Variants in DSC3 observed in about 807,000 individuals in gnomAD.
DSC3 encodes the protein desmocollin 3, also known as desmocollin-3.
In DSC3, 97 loss-of-function variants were observed where a neutral mutation model predicts 89.5. The ratio of observed to expected loss-of-function variants is 1.08; its 90% CI spans 0.92 to 1.28. DSC3 has a LOEUF of 1.28. Ranked by LOEUF, DSC3 falls within the 50% of genes most tolerant of loss-of-function variation. DSC3 has a pLI of 0.00. For synonymous variants in DSC3, 436 were observed against 384.1 expected (o/e 1.14, Z -1.58); for missense variants, 1,199 against 1,085.3 (o/e 1.10, Z -1.47).
intron 6 of DSC3, among the ~76,000 whole-genome samples, chr18:31,023,416 A>G (rs529476878): frequency 1.3e-5 from 2 of 152,268 alleles, no homozygotes; most frequent in East Asian, 3.9e-4. Context: ...GTATTCCATA[A>G]CATCATGTTG....
intron 14 of DSC3, among the ~76,000 whole-genome samples, chr18:31,001,018 GTA>G (rs1192786333): frequency 6.8e-5 from 10 of 147,104 alleles, no homozygotes; most frequent in Admixed American, 4.1e-4. Context: ...TACTTTGTGT[GTA>G]TATATATATA....
At chr18:31,004,462 A>G in intron 12 of DSC3, 96 bp from the exon 13 acceptor site, 2 of 1,064,740 alleles carry the variant, frequency 1.9e-6, no homozygotes, top group Non-Finnish European at 2.8e-6. Context: ...GTCATTCTCA[A>G]GGAACTGCCT....
chr18:31,007,510 ATAAGAT>A (rs1984893943), intron 11 of DSC3, among the ~76,000 whole-genome samples: 1 of 152,196 alleles, frequency 6.6e-6, no homozygotes, highest in African/African-American at 2.4e-5. Context: ...TTTTTAAAAT[ATAAGAT>A]TCCTAGGCTC....
At chr18:31,026,036 G>T in intron 4 of DSC3, 121 bp from the exon 5 acceptor site, 3 of 1,019,440 alleles carry the variant, frequency 2.9e-6, no homozygotes, top group Non-Finnish European at 4.3e-6. Context: ...AGGTAGAAAA[G>T]AACAATAATA....
At chr18:31,019,588 T>C (rs1985352273) in intron 7 of DSC3, among the ~76,000 whole-genome samples, 1 of 151,658 alleles carries the variant, frequency 6.6e-6, no homozygotes, top group African/African-American at 2.4e-5. Flanking sequence ...AGGCCAGGAG[T>C]TTGAGACAGA....
rs115429463 is a variant in DSC3 at position 31,008,504 on chromosome 18, G to A, written c.1285C>T (p.Arg429Cys). The A allele has an allele frequency of 1.1e-4, 176 of 1,613,992 alleles. 1 individual carries two copies. The highest frequency in any genetic ancestry group is 1.6e-4 in the Middle Eastern group (1 of 6,062). The change falls in exon 10 of 16, where the codon CGT (arginine) becomes TGT (cysteine). Residue 429 changes from arginine to cysteine, a missense_variant. Physicochemically the swap from Arg to Cys is radical, Grantham distance 180 (BLOSUM62 -3). Coordinates refer to ENST00000360428, the MANE Select transcript of DSC3 (RefSeq NM_001941.5). The part of the protein sequence containing the change: ...VVKPLNYEEN[R>C]QVNLEIGVNN... The stretch of plus-strand genomic sequence containing the variant: ...ACTCCAATTTCCAGGTTCACTTGAC[G>A]GTTTTCTTCATAATTCAGTGGCTTT...
chr18:30,997,105 T>G, intron 14 of DSC3, 57 bp from the exon 15 acceptor site: 3 of 1,595,524 alleles, frequency 1.9e-6, no homozygotes, highest in Middle Eastern at 3.3e-4. Context: ...TAAGTTGTCA[T>G]GAGAAGGCAA....
At chr18:31,038,811 A>G (rs544510314) in intron 1 of DSC3, among the ~76,000 whole-genome samples, 1 of 152,210 alleles carries the variant, frequency 6.6e-6, no homozygotes, top group East Asian at 1.9e-4. Context: ...GTTCCTAACT[A>G]TATAGCAGTA....
At position 31,034,304 on chromosome 18, in the gene DSC3, T is replaced by G. The variant is rs140291874; in HGVS notation, c.70-2028A>C. On this transcript the variant is annotated intron_variant, in intron 1 of 15. Coordinates refer to ENST00000360428, the MANE Select transcript of DSC3 (RefSeq NM_001941.5). ...TGAAAAGATGCCCAACATCATTAGG[T>G]TTTAGGGAAATGGTAATCTAAACCA... 6.6e-3 allele frequency among the ~76,000 whole-genome samples: 1,008 copies of G among 152,048 alleles called. 12 individuals carry two copies. Among genetic ancestry groups the G allele is most frequent in the African/African-American group, 0.023 (960 of 41,460 alleles).
intron 1 of DSC3, among the ~76,000 whole-genome samples, chr18:31,041,231 C>T (rs1383726635): frequency 6.6e-6 from 1 of 152,158 alleles, no homozygotes; most frequent in Non-Finnish European, 1.5e-5. Flanking sequence ...AAAGGAAACA[C>T]AAAACCCCAA....
chr18:31,023,425 T>C (rs1985490455), intron 6 of DSC3, among the ~76,000 whole-genome samples: 1 of 152,194 alleles, frequency 6.6e-6, no homozygotes, highest in Non-Finnish European at 1.5e-5. Flanking sequence ...AACATCATGT[T>C]GTAAACCTTC....
chr18:31,020,939 C>T (rs917996638), intron 7 of DSC3, among the ~76,000 whole-genome samples: 2 of 151,954 alleles, frequency 1.3e-5, no homozygotes, highest in Non-Finnish European at 1.5e-5. Flanking sequence ...GAGACCCTCT[C>T]TCAAAAAAAG....
At chr18:31,012,119 T>G (rs778175004) in intron 9 of DSC3, among the ~76,000 whole-genome samples, 1 of 151,922 alleles carries the variant, frequency 6.6e-6, no homozygotes, top group East Asian at 1.9e-4. Context: ...AGGGTTTGGA[T>G]AAAATATGAA....
At chr18:31,000,922 A>T (rs887642337) in intron 14 of DSC3, among the ~76,000 whole-genome samples, 1 of 151,700 alleles carries the variant, frequency 6.6e-6, no homozygotes, top group African/African-American at 2.4e-5. Context: ...TCTATTTCTC[A>T]TAAATAAGTT....
Position 31,004,315 on chromosome 18 carries a change from G to C in DSC3, c.1940C>G (p.Thr647Ser), listed in dbSNP as rs200263083. ...CCTGTCTTTTACAGTAATAGGAATG[G>C]TATATTCTTGAAATCCAGCATTTTT... is the stretch of plus-strand genomic sequence containing the variant. The part of the protein sequence containing the change: ...YQKNAGFQEY[T>S]IPITVKDRAG... Residue 647 changes from threonine to serine, a missense_variant, in exon 13 of 16, where the codon ACC becomes AGC. Thr to Ser is a moderately conservative substitution (Grantham distance 58, BLOSUM62 1). Coordinates refer to ENST00000360428, the MANE Select transcript of DSC3 (RefSeq NM_001941.5). 261 of 1,613,920 alleles carry C rather than the reference G, an allele frequency of 1.6e-4. 3 individuals carry two copies. The highest frequency in any genetic ancestry group is 9.3e-6 in the Non-Finnish European group (11 of 1,179,912).
Position 31,029,560 on chromosome 18 carries a change from A to G in DSC3, c.423T>C (p.Pro141=), listed in dbSNP as rs768817320. 6.2e-7 allele frequency: 1 copy of G among 1,613,930 alleles called. No individual in the cohort carries two copies. Among genetic ancestry groups the G allele is most frequent in the East Asian group, 2.2e-5 (1 of 44,864 alleles). Residue 141 remains proline, a synonymous_variant, in exon 4 of 16, where the codon CCT becomes CCC. Coordinates refer to ENST00000360428, the MANE Select transcript of DSC3 (RefSeq NM_001941.5). ...CCAAGGAATTCTCTTGCATAGAGCA[A>G]GGAATAGGTGCCCATCTCCTCTTGG... ...RRAKRRWAPI[P]CSMQENSLGP...
chr18:31,023,239 A>G (rs950420245), intron 6 of DSC3, among the ~76,000 whole-genome samples: 2 of 152,206 alleles, frequency 1.3e-5, no homozygotes, highest in Non-Finnish European at 2.9e-5. Flanking sequence ...ATGTAATGTC[A>G]TAGAATTGTG....
Position 31,031,109 on chromosome 18 carries a change from A to C in DSC3, c.218T>G (p.Val73Gly), listed in dbSNP as rs1353755047. The C allele has an allele frequency of 6.2e-7, 1 of 1,613,716 alleles. No individual in the cohort carries two copies. Among genetic ancestry groups the C allele is most frequent in the Non-Finnish European group, 8.5e-7 (1 of 1,179,884 alleles). The change falls in exon 3 of 16, where the codon GTT becomes GGT. Residue 73 changes from valine to glycine, a missense_variant. Val to Gly is a moderately radical substitution (Grantham distance 109, BLOSUM62 -3). Coordinates refer to ENST00000360428, the MANE Select transcript of DSC3 (RefSeq NM_001941.5). ...TGTGTACACTGACCCATCATTTAGAACTCTGAAATCAGGATCACTTGACCG... is the reference window on the plus strand; with the variant it reads ...TGTGTACACTGACCCATCATTTAGACCTCTGAAATCAGGATCACTTGACCG... ...LIRSSDPDFR[V>G]LNDGSVYTAR...
At position 31,029,565 on chromosome 18, in the gene DSC3, T is replaced by C; in HGVS notation, c.418A>G (p.Ile140Val). The change falls in exon 4 of 16, where the codon ATT becomes GTT. Residue 140 changes from isoleucine to valine, a missense_variant. Ile to Val is a conservative substitution (Grantham distance 29). Coordinates refer to ENST00000360428, the MANE Select transcript of DSC3 (RefSeq NM_001941.5). ...LRRAKRRWAP[I>V]PCSMQENSLG... is the part of the protein sequence containing the mutation. ...GAATTCTCTTGCATAGAGCAAGGAATAGGTGCCCATCTCCTCTTGGCACGC... is the reference window on the plus strand; with the variant it reads ...GAATTCTCTTGCATAGAGCAAGGAACAGGTGCCCATCTCCTCTTGGCACGC... The C allele has an allele frequency of 6.2e-7, 1 of 1,613,878 alleles. No individual in the cohort carries two copies. Among genetic ancestry groups the C allele is most frequent in the Admixed American group, 1.7e-5 (1 of 60,026 alleles).
Sources: gnomAD v4.1 joint callset for allele counts (sites outside exome capture counted in the v4.1 genomes callset) on GRCh38, gnomAD v4.1.1 for gene constraint, MANE v1.5 for transcripts, NCBI Gene and HGNC (gene_info 2026-07-23, HGNC 2026-07-21) for gene names.